The following COL7A1 variants were observed in gnomAD, a reference collection of about 807,000 sequenced individuals.
COL7A1 encodes collagen type VII alpha 1 chain, also known as collagen alpha-1(VII) chain.
COL7A1 carries 296 observed loss-of-function variants against 456.2 expected under a neutral mutation model. The ratio of observed to expected loss-of-function variants is 0.65; its 90% confidence interval spans 0.59 to 0.71. The LOEUF (loss-of-function observed/expected upper bound fraction) is 0.71. COL7A1 is among the 30% of genes least tolerant of loss of function. The pLI is 0.00. For missense variants in COL7A1, 3,441 were observed against 4,017.2 expected (o/e 0.86, Z 3.88); for synonymous variants, 1,464 against 1,525.9 (o/e 0.96, Z 0.95).
rs769083633 is a variant in COL7A1, at chr3:48,589,736, TG to T, written c.2051-19del. 2.5e-6 allele frequency: 4 copies of T among 1,613,458 alleles called. No homozygotes were observed. The highest frequency in any genetic ancestry group is 3.4e-6 in the Non-Finnish European group (4 of 1,179,886). On this transcript the variant is annotated intron_variant, in intron 16 of 118. Transcript: ENST00000681320. Reference sequence around the variant, plus strand: ...CAGTGGGTCTAGTGGGGAGAGGCAATGGGGAGTCTGCTGGAACAGGCAGGAA... The same window carrying T: ...CAGTGGGTCTAGTGGGGAGAGGCAATGGGAGTCTGCTGGAACAGGCAGGAA...
rs753632833 is a variant in COL7A1, at chr3:48,574,287, C to T, written c.6476G>A (p.Gly2159Asp). ...DGNPGLPGER[G>D]MAGPEGKPGL... ...CGGCTTCCCTTCAGGCCCAGCCATACCACGCTCTCCTGGTAGACCCTGCAG... is the reference window on the plus strand; with the variant it reads ...CGGCTTCCCTTCAGGCCCAGCCATATCACGCTCTCCTGGTAGACCCTGCAG... The change falls in exon 80 of 119, where the codon GGT becomes GAT. Residue 2159 changes from glycine to aspartate, a missense_variant. By Grantham distance (94) the Gly-to-Asp change is moderately conservative. This residue lies in a region of COL7A1 where 2,084 missense variants were observed against 2,501.3 expected (regional missense o/e 0.83). Transcript: ENST00000681320. The surrounding 1 kb of genome is among the most constrained non-coding windows in gnomAD (Gnocchi z 5.0). 12 of 1,614,152 alleles carry T rather than the reference C, an allele frequency of 7.4e-6. No homozygotes were observed. Among genetic ancestry groups the T allele is most frequent in the Non-Finnish European group, 1.0e-5 (12 of 1,180,026 alleles).
chr3:48,585,795 C>G lies in COL7A1; in HGVS notation c.3786+35G>C, dbSNP rs892140469. On this transcript the variant is annotated intron_variant, in intron 30 of 118. Coordinates refer to ENST00000681320, the MANE Select transcript of COL7A1 (RefSeq NM_000094.4). This position sits in a 1 kb window ranked among gnomAD's most constrained non-coding sequence, Gnocchi z 4.5. ...CCTCTCCTGCCCCACTGACACTCAA[C>G]CCATTCTCTATTCCCCGCCCGCAGG... 3.7e-6 allele frequency: 6 copies of G among 1,613,976 alleles called. No individual in the cohort carries two copies. The Admixed American group carries it at 1.0e-4, about 27-fold the overall frequency.
rs762568459 is a variant in COL7A1 at position 48,573,587 on chromosome 3, G to C, written c.6574-30C>G. ...AGAAAAGGGTCAAGGGCAGGGAACAGGGCTCAGGGATTAACACAGAGAAGG... is the reference window on the plus strand; with the variant it reads ...AGAAAAGGGTCAAGGGCAGGGAACACGGCTCAGGGATTAACACAGAGAAGG... On this transcript the variant is annotated intron_variant, in intron 82 of 118. Coordinates refer to ENST00000681320, the MANE Select transcript of COL7A1 (RefSeq NM_000094.4). The surrounding 1 kb of genome is among the most constrained non-coding windows in gnomAD (Gnocchi z 5.5). 1.6e-5 allele frequency: 26 copies of C among 1,613,936 alleles called. No homozygotes were observed. Among genetic ancestry groups the C allele is most frequent in the Middle Eastern group, 3.3e-4 (2 of 6,082 alleles).
At position 48,567,461 on chromosome 3, in the gene COL7A1, C is replaced by T; in HGVS notation, c.8046+113G>A. On this transcript the variant is annotated intron_variant, in intron 109 of 118. Transcript: ENST00000681320. The surrounding 1 kb of genome is among the most constrained non-coding windows in gnomAD (Gnocchi z 4.3). ...TCGAGACCAGCCCCACTTCAGCCCC[C>T]AAAGTCCCAACCCTCTACAGCCTTC... The T allele has an allele frequency of 1.3e-6, 2 of 1,482,774 alleles. No homozygotes were observed. The highest frequency in any genetic ancestry group is 2.3e-5 in the East Asian group (1 of 44,224). 91.9% of individuals were successfully genotyped at this position (1,482,774 alleles called of 1,614,324 possible).
At position 48,579,547 on chromosome 3, in the gene COL7A1, G is replaced by A; in HGVS notation, c.5236-32C>T. 3 of 1,613,790 alleles carry A rather than the reference G, an allele frequency of 1.9e-6. No homozygotes were observed. Among genetic ancestry groups the A allele is most frequent in the African/African-American group, 1.3e-5 (1 of 74,994 alleles). On this transcript the variant is annotated intron_variant, in intron 59 of 118. Coordinates refer to ENST00000681320, the MANE Select transcript of COL7A1 (RefSeq NM_000094.4). This position sits in a 1 kb window ranked among gnomAD's most constrained non-coding sequence, Gnocchi z 4.4. ...ATAGGGGAGGAAGAAATCAGAGCAG[G>A]CCCTCCCATGCCTGCACCCCCGAGG...
At chr3:48,584,123 G>T (rs2045021705) in intron 37 of COL7A1, 62 bp from the exon 38 acceptor site, 2 of 1,613,506 alleles carry the variant, frequency 1.2e-6, no homozygotes, top group Non-Finnish European at 1.7e-6. Context: ...GATACCAGGA[G>T]TGATGAGGGT....
rs2044701202 is a variant in COL7A1 at position 48,580,843 on chromosome 3, C to G, written c.4980+39G>C. On this transcript the variant is annotated intron_variant, in intron 54 of 118. Coordinates refer to ENST00000681320, the MANE Select transcript of COL7A1 (RefSeq NM_000094.4). This position sits in a 1 kb window ranked among gnomAD's most constrained non-coding sequence, Gnocchi z 4.5. ...CCTTTCCTATCACCTTCATGCCCAC[C>G]TCCCATCACCCCTGTTACTTCTCTC... 6.2e-7 allele frequency: 1 copy of G among 1,613,662 alleles called. No individual in the cohort carries two copies. Among genetic ancestry groups the G allele is most frequent in the Non-Finnish European group, 8.5e-7 (1 of 1,179,598 alleles).
rs966201657 is a variant in COL7A1 at position 48,585,581 on chromosome 3, T to C, written c.3870A>G (p.Gly1290=). The change falls in exon 32 of 119, where the codon GGA becomes GGG. Residue 1290 remains glycine, a synonymous_variant. Transcript: ENST00000681320. This position sits in a 1 kb window ranked among gnomAD's most constrained non-coding sequence, Gnocchi z 4.5. ...CCCTCTCGCCCTTGGCAGTGGCACT[T>C]CCAGGGGGCCCCTGGGGGCCGGGAG... ...TGAPGPQGPP[G]SATAKGERGF... 4.3e-6 allele frequency: 7 copies of C among 1,613,822 alleles called. No homozygotes were observed. In the South Asian group the frequency reaches 5.5e-5, roughly 13 times the overall value.
Position 48,575,736 on chromosome 3 carries a change from G to A in COL7A1, c.5869C>T (p.Arg1957Trp), listed in dbSNP as rs747081862. The change falls in exon 73 of 119, where the codon CGG (arginine) becomes TGG (tryptophan). Residue 1957 changes from arginine (R) to tryptophan (W), a missense_variant. By Grantham distance (101) the Arg-to-Trp change is moderately radical. Around this residue, in one of 3 missense-constraint regions of COL7A1, gnomAD observed 2,084 missense variants for 2,501.3 expected, o/e 0.83. Transcript: ENST00000681320. This position sits in a 1 kb window ranked among gnomAD's most constrained non-coding sequence, Gnocchi z 6.3. ...ETAGIKASAL[R>W]EIVETWDESS... Reference sequence around the variant, plus strand: ...TCATCCCAGGTCTCCACGATCTCCCGCAGGGCAGATGCCTGAGGGACAGCA... The same window carrying A: ...TCATCCCAGGTCTCCACGATCTCCCACAGGGCAGATGCCTGAGGGACAGCA... The A allele has an allele frequency of 9.9e-6, 16 of 1,614,014 alleles. No individual in the cohort carries two copies. Among genetic ancestry groups the A allele is most frequent in the Non-Finnish European group, 1.3e-5 (15 of 1,180,020 alleles).
Position 48,565,148 on chromosome 3 carries a change from C to T in COL7A1, c.8581G>A (p.Glu2861Lys). The change falls in exon 117 of 119, where the codon GAG (glutamate) becomes AAG (lysine). Residue 2861 changes from glutamate (E) to lysine (K), a missense_variant. Coordinates refer to ENST00000681320, the MANE Select transcript of COL7A1 (RefSeq NM_000094.4). This position sits in a 1 kb window ranked among gnomAD's most constrained non-coding sequence, Gnocchi z 4.5. ...EYSEYSEYSV[E>K]EYQDPEAPWD... is the part of the protein sequence containing the mutation. ...GGAGCTTCAGGGTCCTGGTACTCCT[C>T]CACAGAATACTCGGAGTATTCAGAG... 1 of 1,614,122 alleles carries T rather than the reference C, an allele frequency of 6.2e-7. No individual in the cohort carries two copies. Among genetic ancestry groups the T allele is most frequent in the Non-Finnish European group, 8.5e-7 (1 of 1,179,982 alleles).
Position 48,570,127 on chromosome 3 carries a change from G to C in COL7A1, c.7485+7C>G, listed in dbSNP as rs1351722964. On this transcript the variant is annotated splice_region_variant and intron_variant, in intron 99 of 118. Transcript: ENST00000681320. The surrounding 1 kb of genome is among the most constrained non-coding windows in gnomAD (Gnocchi z 5.5). ...ACAGCACTGTCACTTTCCCCAGCGG[G>C]ACCCACCGTGAGTCCTCGGGGTCCC... 6.8e-6 allele frequency: 11 copies of C among 1,613,984 alleles called. No individual in the cohort carries two copies. Among genetic ancestry groups the C allele is most frequent in the Non-Finnish European group, 8.5e-6 (10 of 1,179,996 alleles).
In COL7A1 at chr3:48,593,167, GT is replaced by G; in HGVS notation, c.616del (p.Thr206HisfsTer19). The G allele has an allele frequency of 1.2e-6, 2 of 1,614,134 alleles. No individual in the cohort carries two copies. The highest frequency in any genetic ancestry group is 1.7e-6 in the Non-Finnish European group (2 of 1,180,034). On this transcript the variant is annotated frameshift_variant, in exon 6 of 119. Coordinates refer to ENST00000681320, the MANE Select transcript of COL7A1 (RefSeq NM_000094.4). LOFTEE classifies it high-confidence loss of function. The surrounding 1 kb of genome is among the most constrained non-coding windows in gnomAD (Gnocchi z 4.4). Reference protein sequence around the residue: ...FFVNDFSILRTLLPLVSRRVC... With the variant: ...FFVNDFSILRXLLPLVSRRVC... ...TCTCCGGGAAACGAGGGGCAGTAGT[GT>G]CCTCAAGATGCTGAAGTCATTGACG...
rs1354674050 is a variant in COL7A1, at chr3:48,586,094, G to A, written c.3703C>T (p.Gln1235Ter). 1 of 1,613,472 alleles carries A rather than the reference G, an allele frequency of 6.2e-7. No homozygotes were observed. Among genetic ancestry groups the A allele is most frequent in the African/African-American group, 1.3e-5 (1 of 74,938 alleles). Residue 1235 changes from glutamine to a stop codon, truncating the protein, a stop_gained, in exon 28 of 119, where the codon CAG becomes TAG. Coordinates refer to ENST00000681320, the MANE Select transcript of COL7A1 (RefSeq NM_000094.4). LOFTEE classifies it high-confidence loss of function. The surrounding 1 kb of genome is among the most constrained non-coding windows in gnomAD (Gnocchi z 5.1). ...AVSGLATALC[Q>*]ASFTTQPRPE... ...CAAACCTGAGTAGTGAAGGATGCCTGACACAGGGCTGTGGCCAGACCACTG... is the reference window on the plus strand; with the variant it reads ...CAAACCTGAGTAGTGAAGGATGCCTAACACAGGGCTGTGGCCAGACCACTG...
rs1358714558 is a variant in COL7A1 at position 48,564,735 on chromosome 3, C to G, written c.8818+48G>C. On this transcript the variant is annotated intron_variant, in intron 118 of 118. Coordinates refer to ENST00000681320, the MANE Select transcript of COL7A1 (RefSeq NM_000094.4). The surrounding 1 kb of genome is among the most constrained non-coding windows in gnomAD (Gnocchi z 6.0). ...AGGACTCCTCCCCCAGAACCCGATC[C>G]AGGCAGGCTCAGTGCCCAGTTCCCC... is the stretch of plus-strand genomic sequence containing the variant. 1.3e-6 allele frequency: 2 copies of G among 1,586,704 alleles called. No homozygotes were observed. The highest frequency in any genetic ancestry group is 1.7e-6 in the Non-Finnish European group (2 of 1,162,926).
In COL7A1 at chr3:48,572,405, A is replaced by G. The variant is rs2043988005; in HGVS notation, c.6953T>C (p.Leu2318Pro). ...CGGCTCACCCACCAGGTCTCCAGCA[A>G]GGCCTCCAGGGGCTCCCTGGTAAGG... ...AKGEKGAPGG[L>P]AGDLVGEPGA... Residue 2318 changes from leucine to proline, a missense_variant, in exon 90 of 119, where the codon CTT becomes CCT. By Grantham distance (98) the Leu-to-Pro change is moderately conservative. Coordinates refer to ENST00000681320, the MANE Select transcript of COL7A1 (RefSeq NM_000094.4). This position sits in a 1 kb window ranked among gnomAD's most constrained non-coding sequence, Gnocchi z 4.6. 1 of 1,613,996 alleles carries G rather than the reference A, an allele frequency of 6.2e-7. No individual in the cohort carries two copies. Among genetic ancestry groups the G allele is most frequent in the Non-Finnish European group, 8.5e-7 (1 of 1,179,998 alleles).
chr3:48,572,652 A>G lies in COL7A1; in HGVS notation c.6900+19T>C. The G allele has an allele frequency of 6.2e-7, 1 of 1,603,486 alleles. No homozygotes were observed. Among genetic ancestry groups the G allele is most frequent in the Non-Finnish European group, 8.5e-7 (1 of 1,174,996 alleles). ...CAGAGGAGTTGCTGCAGGGGGTGGAAGTCAGGGTCAAAGATCACCTGTCCA... is the reference window on the plus strand; with the variant it reads ...CAGAGGAGTTGCTGCAGGGGGTGGAGGTCAGGGTCAAAGATCACCTGTCCA... On this transcript the variant is annotated intron_variant, in intron 88 of 118. Coordinates refer to ENST00000681320, the MANE Select transcript of COL7A1 (RefSeq NM_000094.4). The surrounding 1 kb of genome is among the most constrained non-coding windows in gnomAD (Gnocchi z 4.6).
At position 48,564,350 on chromosome 3, in the gene COL7A1, CT is replaced by C; in HGVS notation, c.*55del. The C allele has an allele frequency of 6.2e-7, 1 of 1,604,902 alleles. No individual in the cohort carries two copies. Among genetic ancestry groups the C allele is most frequent in the Non-Finnish European group, 8.5e-7 (1 of 1,171,996 alleles). On this transcript the variant is annotated 3_prime_UTR_variant, in exon 119 of 119. Transcript: ENST00000681320. This position sits in a 1 kb window ranked among gnomAD's most constrained non-coding sequence, Gnocchi z 6.0. The stretch of plus-strand genomic sequence containing the variant: ...CACCAAGGGGAGGGACAGTGGGGTT[CT>C]GCTGAGACCCCGACTCCTCCAGGGG...
In COL7A1 at chr3:48,575,235, C is replaced by G; in HGVS notation, c.6188G>C (p.Arg2063Pro). ...TTCTCCACGTTCTCCTTTCTCTCCC[C>G]GTTCTCCCTGAAATGCAAATAGCGG... ...EAGRPGERGE[R>P]GEKGERGEQG... Residue 2063 changes from arginine (R) to proline (P), a missense_variant, in exon 75 of 119, where the codon CGG (arginine) becomes CCG (proline). Coordinates refer to ENST00000681320, the MANE Select transcript of COL7A1 (RefSeq NM_000094.4). The surrounding 1 kb of genome is among the most constrained non-coding windows in gnomAD (Gnocchi z 6.3). 6.2e-7 allele frequency: 1 copy of G among 1,614,040 alleles called. No individual in the cohort carries two copies. The highest frequency in any genetic ancestry group is 8.5e-7 in the Non-Finnish European group (1 of 1,179,998).
Position 48,585,218 on chromosome 3 carries a change from G to T in COL7A1, c.3895-102C>A. ...TCAACAAGGGGTCGCCTACCCCACTGACCCCCAAGTGTTATTGGGGGTGGA... is the reference window on the plus strand; with the variant it reads ...TCAACAAGGGGTCGCCTACCCCACTTACCCCCAAGTGTTATTGGGGGTGGA... On this transcript the variant is annotated intron_variant, in intron 32 of 118. Transcript: ENST00000681320. The surrounding 1 kb of genome is among the most constrained non-coding windows in gnomAD (Gnocchi z 4.5). The T allele has an allele frequency of 8.7e-7, 1 of 1,155,036 alleles. No individual in the cohort carries two copies. The highest frequency in any genetic ancestry group is 1.3e-6 in the Non-Finnish European group (1 of 794,954). 71.5% of individuals were successfully genotyped at this position (1,155,036 alleles called of 1,614,324 possible).
Sources: allele counts gnomAD v4.1 joint callset, GRCh38; gene constraint gnomAD v4.1.1; regional missense constraint gnomAD v4.1.1; non-coding constraint Gnocchi (gnomAD v3.1); transcripts MANE v1.5; gene names NCBI Gene and HGNC (gene_info 2026-07-23, HGNC 2026-07-21).